The following NAALADL2 variants were observed in gnomAD, a reference collection of about 807,000 sequenced individuals.
The protein encoded by NAALADL2 is inactive N-acetylated-alpha-linked acidic dipeptidase-like protein 2.
NAALADL2 carries 76 observed loss-of-function variants against 87.2 expected under a neutral mutation model. That is an observed-to-expected ratio of 0.87 (90% CI 0.72 to 1.05). NAALADL2 has a LOEUF of 1.05. Ranked by LOEUF, NAALADL2 falls within the 50% of genes least tolerant of loss-of-function variation. The pLI is 0.00. For synonymous variants in NAALADL2, 354 were observed against 331.0 expected (o/e 1.07, Z -0.75); for missense variants, 1,089 against 945.8 (o/e 1.15, Z -1.99).
At chr3:175,304,200 T>A (rs1757427739) in intron 4 of NAALADL2, among the ~76,000 whole-genome samples, 1 of 152,158 alleles carries the variant, frequency 6.6e-6, no homozygotes, top group Non-Finnish European at 1.5e-5. Context: ...ATGCAAATTA[T>A]CTGTCTGGTT....
At chr3:175,756,393 A>G (rs1465511618) in intron 13 of NAALADL2, among the ~76,000 whole-genome samples, 1 of 152,180 alleles carries the variant, frequency 6.6e-6, no homozygotes, top group Non-Finnish European at 1.5e-5. Flanking sequence ...TCACAGGACT[A>G]GTCACAATGG....
intron 4 of NAALADL2, among the ~76,000 whole-genome samples, chr3:175,258,036 C>T (rs558725876): frequency 1.4e-4 from 21 of 152,078 alleles, no homozygotes; most frequent in African/African-American, 1.9e-4. Flanking sequence ...GGGCCAGGCG[C>T]GGTGTCTCAC....
At chr3:175,678,615 A>G (rs1042038086) in intron 11 of NAALADL2, among the ~76,000 whole-genome samples, 7 of 152,178 alleles carry the variant, frequency 4.6e-5, no homozygotes, top group East Asian at 3.9e-4. Context: ...TGAGCAAACT[A>G]TCGCAAGGAC....
intron 2 of NAALADL2, among the ~76,000 whole-genome samples, chr3:175,149,180 T>A (rs936370049): frequency 6.6e-6 from 1 of 152,174 alleles, no homozygotes; most frequent in East Asian, 1.9e-4. Flanking sequence ...CTTGGTTAGA[T>A]AGTTTTATTT....
intron 2 of NAALADL2, among the ~76,000 whole-genome samples, chr3:175,149,728 C>G (rs534038859): frequency 1.3e-5 from 2 of 152,226 alleles, no homozygotes; most frequent in East Asian, 3.9e-4. Flanking sequence ...AAATGTCTAT[C>G]AGTAGCACCA....
chr3:175,122,002 TGAAAG>T (rs1726230311), intron 2 of NAALADL2, among the ~76,000 whole-genome samples: 1 of 151,780 alleles, frequency 6.6e-6, no homozygotes, highest in Admixed American at 6.6e-5. Context: ...TTGTAATAGT[TGAAAG>T]GAAATGATGA....
At chr3:175,789,513 C>T (rs1309972943) in intron 13 of NAALADL2, among the ~76,000 whole-genome samples, 1 of 152,088 alleles carries the variant, frequency 6.6e-6, no homozygotes, top group African/African-American at 2.4e-5. Flanking sequence ...GAGGTCTTGG[C>T]TTTTGTATGG....
In NAALADL2 at chr3:175,336,348, G is replaced by A. The variant is rs144005535; in HGVS notation, c.1090+12023G>A. ...AAATCTCCCAAATGTATCTAACCAC[G>A]GAGTCATTTTTGAGGAATATCTGGA... On this transcript the variant is annotated intron_variant, in intron 5 of 13. Transcript: ENST00000454872. 3.2e-4 allele frequency among the ~76,000 whole-genome samples: 48 copies of A among 152,164 alleles called. No homozygotes were observed. The East Asian group carries it at 7.9e-3, about 25-fold the overall frequency.
chr3:174,987,811 A>ATAT (rs1746155770), intron 1 of NAALADL2, among the ~76,000 whole-genome samples: 29 of 121,268 alleles, frequency 2.4e-4, no homozygotes, highest in East Asian at 1.4e-3. Flanking sequence ...TATATATATA[A>ATAT]TTATATATAT....
intron 11 of NAALADL2, among the ~76,000 whole-genome samples, chr3:175,688,490 A>G (rs980562319): frequency 1.3e-5 from 2 of 152,146 alleles, no homozygotes; most frequent in African/African-American, 2.4e-5. Context: ...GCCTGTAATC[A>G]TTTACTTTGA....
chr3:175,633,940 T>C (rs1278540660), intron 11 of NAALADL2, among the ~76,000 whole-genome samples: 1 of 151,730 alleles, frequency 6.6e-6, no homozygotes, highest in Non-Finnish European at 1.5e-5. Flanking sequence ...AGGAATAATA[T>C]GGTATTGATT....
At position 175,745,628 on chromosome 3, in the gene NAALADL2, A is replaced by G. The variant is rs146224326; in HGVS notation, c.1990+8229A>G. On this transcript the variant is annotated intron_variant, in intron 12 of 13. Transcript: ENST00000454872. ...AACAGTCTGCATGTAGTAGTACAGAAACCATTTTTTTCCACAAATATTTTC... is the reference window on the plus strand; with the variant it reads ...AACAGTCTGCATGTAGTAGTACAGAGACCATTTTTTTCCACAAATATTTTC... Among the ~76,000 whole-genome samples, 66 of 152,296 alleles carry G rather than the reference A, an allele frequency of 4.3e-4. No individual in the cohort carries two copies. The East Asian group carries it at 0.012, about 29-fold the overall frequency.
chr3:175,679,409 A>G (rs1039860940), intron 11 of NAALADL2, among the ~76,000 whole-genome samples: 2 of 152,190 alleles, frequency 1.3e-5, no homozygotes, highest in Admixed American at 6.5e-5. Context: ...TATATAGGCT[A>G]ATGGCTGATA....
At chr3:174,535,700 G>T (rs1348898450) in intron 1 of NAALADL2, among the ~76,000 whole-genome samples, 1 of 151,900 alleles carries the variant, frequency 6.6e-6, no homozygotes, top group Non-Finnish European at 1.5e-5. Flanking sequence ...ATTTCTCTGG[G>T]ATCTGTATAT....
intron 9 of NAALADL2, among the ~76,000 whole-genome samples, chr3:175,542,309 G>GAAT (rs988800691): frequency 6.6e-6 from 1 of 152,130 alleles, no homozygotes; most frequent in African/African-American, 2.4e-5. Context: ...ATGAAAATGA[G>GAAT]AATTTAAACT....
chr3:175,429,840 A>G, intron 5 of NAALADL2, among the ~76,000 whole-genome samples: 1 of 152,030 alleles, frequency 6.6e-6, no homozygotes, highest in East Asian at 1.9e-4. Flanking sequence ...GTGAAAAAGA[A>G]ATGTCACAGG....
At chr3:174,817,640 T>C (rs115382668) in intron 3 of NAALADL2, among the ~76,000 whole-genome samples, 12,181 of 152,164 alleles carry the variant, frequency 0.08, 534 homozygotes, top group Middle Eastern at 0.13. Context: ...AAAAGCTCTT[T>C]AAAATAAAAA....
intron 1 of NAALADL2, among the ~76,000 whole-genome samples, chr3:174,979,467 G>A (rs752068131): frequency 2.4e-4 from 37 of 151,482 alleles, no homozygotes; most frequent in Non-Finnish European, 4.3e-4. Flanking sequence ...CACCACGCCC[G>A]GCTAATTTTT....
chr3:175,608,962 A>C (rs1050856529), intron 10 of NAALADL2, among the ~76,000 whole-genome samples: 1 of 147,678 alleles, frequency 6.8e-6, no homozygotes, highest in Admixed American at 6.9e-5. Flanking sequence ...AAACATACCA[A>C]AGAGATAATC....
Sources: gnomAD v4.1 joint callset for allele counts (sites outside exome capture counted in the v4.1 genomes callset) on GRCh38, gnomAD v4.1.1 for gene constraint, MANE v1.5 for transcripts, NCBI Gene and HGNC (gene_info 2026-07-23, HGNC 2026-07-21) for gene names.